Variants in MYO10 observed in about 807,000 individuals in gnomAD.
MYO10 encodes unconventional myosin-X.
A neutral mutation model predicts 257.3 loss-of-function variants in MYO10; 133 were observed. The observed-to-expected ratio is 0.52, with a 90% CI of 0.45 to 0.60. The LOEUF is 0.60. Among genes scored for constraint, MYO10 ranks in the 20% least tolerant of loss-of-function variants. The pLI is 0.00. For missense variants in MYO10, 2,399 were observed against 2,635.7 expected (o/e 0.91, Z 1.97); for synonymous variants, 1,104 against 1,028.6 (o/e 1.07, Z -1.40).
intron 2 of MYO10, among the ~76,000 whole-genome samples, chr5:16,823,989 A>G (rs1037003743): frequency 5.3e-5 from 8 of 152,166 alleles, no homozygotes; most frequent in East Asian, 1.9e-4. Flanking sequence ...ACCTGAGAAC[A>G]AACTGTTCTG....
Position 16,670,990 on chromosome 5 carries a change from C to G in MYO10, c.5431-12G>C, listed in dbSNP as rs372836613. 102 of 1,595,862 alleles carry G rather than the reference C, an allele frequency of 6.4e-5. No homozygotes were observed. In the African/African-American group the frequency reaches 9.2e-4, roughly 14 times the overall value. On this transcript the variant is annotated splice_polypyrimidine_tract_variant and intron_variant, in intron 38 of 40. Coordinates refer to ENST00000513610, the MANE Select transcript of MYO10 (RefSeq NM_012334.3). ...ACCGCTTCGTGGGCCTGAAAGGAGA[C>G]AGTCAACAGCTTTCCGGTCAACGCA...
At chr5:16,932,717 A>G (rs1746323611) in intron 1 of MYO10, among the ~76,000 whole-genome samples, 1 of 152,292 alleles carries the variant, frequency 6.6e-6, no homozygotes, top group South Asian at 2.1e-4. Context: ...GACTGGCACA[A>G]GCTTTGCAAG....
At chr5:16,841,077 G>A (rs185441282) in intron 2 of MYO10, among the ~76,000 whole-genome samples, 7 of 151,632 alleles carry the variant, frequency 4.6e-5, no homozygotes, top group African/African-American at 1.2e-4. Flanking sequence ...CCTGGAAAGC[G>A]GAGATTGCAG....
chr5:16,809,271 G>A (rs1459361783), intron 3 of MYO10, among the ~76,000 whole-genome samples: 1 of 152,124 alleles, frequency 6.6e-6, no homozygotes, highest in Non-Finnish European at 1.5e-5. Context: ...GCACCCCAAT[G>A]CCAAGGCAGT....
intron 1 of MYO10, among the ~76,000 whole-genome samples, chr5:16,907,612 T>A (rs2126789560): frequency 6.6e-6 from 1 of 152,296 alleles, no homozygotes; most frequent in South Asian, 2.1e-4. Flanking sequence ...TATTAAAAAA[T>A]ATTTTTCATT....
chr5:16,743,663 T>C (rs1272687459), intron 19 of MYO10, among the ~76,000 whole-genome samples: 1 of 152,052 alleles, frequency 6.6e-6, no homozygotes, highest in Non-Finnish European at 1.5e-5. Flanking sequence ...AGAAACTTCA[T>C]TCTCAATGCT....
chr5:16,932,046 G>A (rs546411536), intron 1 of MYO10, among the ~76,000 whole-genome samples: 4 of 152,320 alleles, frequency 2.6e-5, no homozygotes, highest in Admixed American at 6.5e-5. Flanking sequence ...AGAGGTTGGT[G>A]TTTCCACTTA....
chr5:16,817,330 G>C (rs1022235663), intron 3 of MYO10, among the ~76,000 whole-genome samples: 1 of 152,132 alleles, frequency 6.6e-6, no homozygotes, highest in East Asian at 1.9e-4. Context: ...GATGGAAAAG[G>C]GGAGAAAATC....
At chr5:16,810,314 C>A (rs9885205) in intron 3 of MYO10, among the ~76,000 whole-genome samples, 3,891 of 152,232 alleles carry the variant, frequency 0.026, 161 homozygotes, top group African/African-American at 0.09. Context: ...GGAGCCTCTT[C>A]CATCACCTCC....
intron 1 of MYO10, among the ~76,000 whole-genome samples, chr5:16,905,324 G>A (rs918308928): frequency 3.4e-4 from 51 of 152,122 alleles, no homozygotes; most frequent in African/African-American, 4.8e-5. Flanking sequence ...ATCTTCGGAG[G>A]ACAACAATCT....
intron 1 of MYO10, among the ~76,000 whole-genome samples, chr5:16,894,828 C>A (rs1460747764): frequency 6.6e-6 from 1 of 152,118 alleles, no homozygotes; most frequent in Non-Finnish European, 1.5e-5. Context: ...ATAGGAGAAG[C>A]CCCCACGGAG....
At chr5:16,853,781 G>A (rs147755227) in intron 2 of MYO10, among the ~76,000 whole-genome samples, 365 of 152,310 alleles carry the variant, frequency 2.4e-3, no homozygotes, top group Non-Finnish European at 4.0e-3. Flanking sequence ...TGGGAGAGAA[G>A]AGCGGGTCCA....
chr5:16,702,479 C>T, intron 24 of MYO10, 64 bp downstream of exon 24: 1 of 1,400,020 alleles, frequency 7.1e-7, no homozygotes, highest in Admixed American at 2.2e-5. Context: ...ATCCTAGAGT[C>T]CAAGCATTAG....
chr5:16,903,860 G>A (rs901198335), intron 1 of MYO10, among the ~76,000 whole-genome samples: 2 of 152,210 alleles, frequency 1.3e-5, no homozygotes, highest in Non-Finnish European at 2.9e-5. Context: ...GTGAGGACCT[G>A]CGTTCCATGA....
chr5:16,912,526 T>C (rs1745686944), intron 1 of MYO10, among the ~76,000 whole-genome samples: 1 of 152,160 alleles, frequency 6.6e-6, no homozygotes. Context: ...TGGTACATAA[T>C]GCCTCCATTC....
chr5:16,905,718 CTTT>C (rs905207218), intron 1 of MYO10, among the ~76,000 whole-genome samples: 1 of 152,184 alleles, frequency 6.6e-6, no homozygotes, highest in Admixed American at 6.5e-5. Flanking sequence ...AAGCGATCTT[CTTT>C]TGTTTGCTTT....
At chr5:16,710,117 G>A (rs1473398058) in intron 21 of MYO10, among the ~76,000 whole-genome samples, 1 of 152,178 alleles carries the variant, frequency 6.6e-6, no homozygotes, top group Non-Finnish European at 1.5e-5. Flanking sequence ...TTGCACTGCT[G>A]TGTGTAAGGG....
At chr5:16,929,896 T>C (rs964983114) in intron 1 of MYO10, among the ~76,000 whole-genome samples, 6 of 152,142 alleles carry the variant, frequency 3.9e-5, no homozygotes, top group Admixed American at 6.5e-5. Flanking sequence ...CCATATTTAT[T>C]ATTGTCTTCA....
At chr5:16,719,980 G>C (rs1739075267) in intron 19 of MYO10, among the ~76,000 whole-genome samples, 1 of 112,532 alleles carries the variant, frequency 8.9e-6, no homozygotes, top group Non-Finnish European at 1.7e-5. Flanking sequence ...AAATAAATGT[G>C]TGTGCGTGCG....
Sources: gnomAD v4.1 joint callset for allele counts (sites outside exome capture counted in the v4.1 genomes callset) on GRCh38, gnomAD v4.1.1 for gene constraint, MANE v1.5 for transcripts, NCBI Gene and HGNC (gene_info 2026-07-23, HGNC 2026-07-21) for gene names.